The following GRM5 variants were observed in gnomAD, a reference collection of about 807,000 sequenced individuals.
GRM5 encodes the protein metabotropic glutamate receptor 5.
Under a neutral mutation model 83.1 loss-of-function variants are expected in GRM5, and 19 were observed. The observed-to-expected ratio is 0.23, with a 90% CI of 0.16 to 0.34. The LOEUF is 0.34. GRM5 is among the 10% of genes least tolerant of loss of function. The pLI is 1.00. For synonymous variants in GRM5, 675 were observed against 633.6 expected (o/e 1.07, Z -0.98); for missense variants, 1,160 against 1,588.3 (o/e 0.73, Z 4.58).
At position 88,578,949 on chromosome 11, in the gene GRM5, C is replaced by A. The variant is rs191536787; in HGVS notation, c.1691-10957G>T. Reference sequence around the variant, plus strand: ...TTCACAATCACTTCCATATTTCCTGCAGCATCATGTCAAGGAAAAAGCACT... The same window carrying A: ...TTCACAATCACTTCCATATTTCCTGAAGCATCATGTCAAGGAAAAAGCACT... On this transcript the variant is annotated intron_variant, in intron 7 of 9. Coordinates refer to ENST00000305447, the MANE Select transcript of GRM5 (RefSeq NM_001143831.3). Among the ~76,000 whole-genome samples, 37 of 152,078 alleles carry A rather than the reference C, an allele frequency of 2.4e-4. 1 individual carries two copies. The East Asian group carries it at 7.2e-3, about 29-fold the overall frequency.
At chr11:88,659,455 G>A (rs1400395276) in intron 3 of GRM5, among the ~76,000 whole-genome samples, 1 of 152,066 alleles carries the variant, frequency 6.6e-6, no homozygotes, top group Admixed American at 6.6e-5. Context: ...TTGTATTATT[G>A]TATGTATGTT....
At chr11:88,621,899 C>T (rs1488376688) in intron 4 of GRM5, among the ~76,000 whole-genome samples, 2 of 152,078 alleles carry the variant, frequency 1.3e-5, no homozygotes, top group African/African-American at 4.8e-5. Context: ...ACATATTGCA[C>T]ACATGAGAGA....
intron 3 of GRM5, among the ~76,000 whole-genome samples, chr11:88,808,371 T>C (rs917777692): frequency 6.6e-6 from 1 of 152,012 alleles, no homozygotes; most frequent in African/African-American, 2.4e-5. Context: ...CCATGTAAAC[T>C]GTATAGTTAA....
chr11:88,648,097 G>T (rs1039057980), intron 4 of GRM5, among the ~76,000 whole-genome samples: 1 of 152,068 alleles, frequency 6.6e-6, no homozygotes. Context: ...TCAGTGTGGC[G>T]ATTCCTCAGG....
At chr11:88,768,530 T>C (rs1294227824) in intron 3 of GRM5, among the ~76,000 whole-genome samples, 1 of 151,858 alleles carries the variant, frequency 6.6e-6, no homozygotes, top group African/African-American at 2.4e-5. Flanking sequence ...GGTGGTAAGG[T>C]TTGCACAACA....
chr11:88,707,635 A>T (rs1423591883), intron 3 of GRM5, among the ~76,000 whole-genome samples: 1 of 152,144 alleles, frequency 6.6e-6, no homozygotes, highest in Admixed American at 6.6e-5. Context: ...GGGCTTGAGC[A>T]TCTGTGGATT....
At chr11:88,853,907 C>G (rs1304040443) in intron 2 of GRM5, among the ~76,000 whole-genome samples, 3 of 151,254 alleles carry the variant, frequency 2.0e-5, no homozygotes, top group Non-Finnish European at 4.4e-5. Flanking sequence ...AGTTCCTCAA[C>G]AAAACTAAAA....
chr11:88,694,244 T>C (rs1182777057), intron 3 of GRM5, among the ~76,000 whole-genome samples: 1 of 152,214 alleles, frequency 6.6e-6, no homozygotes, highest in African/African-American at 2.4e-5. Context: ...ATTTATCAGC[T>C]TGGTGAGATC....
At chr11:88,842,178 T>C (rs1944215662) in intron 3 of GRM5, among the ~76,000 whole-genome samples, 1 of 152,238 alleles carries the variant, frequency 6.6e-6, no homozygotes, top group Non-Finnish European at 1.5e-5. Context: ...AATATTACAT[T>C]CATTTATCAC....
intron 8 of GRM5, among the ~76,000 whole-genome samples, chr11:88,553,616 G>A (rs1232354992): frequency 6.6e-6 from 1 of 152,154 alleles, no homozygotes; most frequent in Non-Finnish European, 1.5e-5. Flanking sequence ...GGATGGTATA[G>A]CACAGCAGGA....
chr11:88,650,978 T>G (rs1486239679), intron 4 of GRM5, among the ~76,000 whole-genome samples: 2 of 151,996 alleles, frequency 1.3e-5, no homozygotes, highest in South Asian at 2.1e-4. Context: ...TCCATGCCAA[T>G]GTACCAAATG....
At chr11:88,953,200 G>C (rs927078505) in intron 2 of GRM5, among the ~76,000 whole-genome samples, 4 of 152,168 alleles carry the variant, frequency 2.6e-5, no homozygotes, top group African/African-American at 4.8e-5. Context: ...TGAGGGTTTT[G>C]AGGAAAGAGA....
intron 3 of GRM5, among the ~76,000 whole-genome samples, chr11:88,714,905 G>T (rs1941367340): frequency 6.6e-6 from 1 of 151,536 alleles, no homozygotes; most frequent in African/African-American, 2.4e-5. Context: ...GACCTGTTTT[G>T]GACCCTAACC....
chr11:88,612,395 CT>C (rs1938347481), intron 4 of GRM5, among the ~76,000 whole-genome samples: 1 of 151,344 alleles, frequency 6.6e-6, no homozygotes, highest in Non-Finnish European at 1.5e-5. Context: ...GGTTCCAAGT[CT>C]TTGCTATTGT....
At chr11:88,720,821 C>CGTGTGTGTGTGTGTGTGTGTGTGT (rs869078157) in intron 3 of GRM5, among the ~76,000 whole-genome samples, 1 of 137,148 alleles carries the variant, frequency 7.3e-6, no homozygotes, top group African/African-American at 2.7e-5. Flanking sequence ...TGTGTGTGTG[C>CGTGTGTGTGTGTGTGTGTGTGTGT]GTGTGTGTGT....
chr11:88,889,177 C>T (rs1434044026), intron 2 of GRM5, among the ~76,000 whole-genome samples: 2 of 152,146 alleles, frequency 1.3e-5, no homozygotes, highest in East Asian at 3.9e-4. Context: ...TGTGTGACTC[C>T]TAAGCCATGG....
chr11:89,017,055 A>G (rs955245804), intron 2 of GRM5, among the ~76,000 whole-genome samples: 3 of 152,206 alleles, frequency 2.0e-5, no homozygotes, highest in East Asian at 1.9e-4. Flanking sequence ...ACAGAGGTAG[A>G]TATAAGAATA....
At chr11:88,753,013 C>A (rs1591489655) in intron 3 of GRM5, among the ~76,000 whole-genome samples, 1 of 151,996 alleles carries the variant, frequency 6.6e-6, no homozygotes, top group South Asian at 2.1e-4. Context: ...CCTAGAAAAA[C>A]ATCTAGGCAA....
chr11:89,044,482 T>A (rs577544822), intron 2 of GRM5, among the ~76,000 whole-genome samples: 1 of 152,278 alleles, frequency 6.6e-6, no homozygotes, highest in Non-Finnish European at 1.5e-5. Flanking sequence ...AATTCTGTGA[T>A]GACATACACT....
Sources: gnomAD v4.1 joint callset for allele counts (sites outside exome capture counted in the v4.1 genomes callset) on GRCh38, gnomAD v4.1.1 for gene constraint, MANE v1.5 for transcripts, NCBI Gene and HGNC (gene_info 2026-07-23, HGNC 2026-07-21) for gene names.